Variants in ASTN2 observed in about 807,000 individuals in gnomAD.
The protein encoded by ASTN2 is astrotactin 2.
Under a neutral mutation model 139.8 loss-of-function variants are expected in ASTN2, and 54 were observed. The ratio of observed to expected loss-of-function variants is 0.39; its 90% CI spans 0.31 to 0.48. The LOEUF (loss-of-function observed/expected upper bound fraction) is 0.48, where lower values mean the gene tolerates loss of function less well. Among genes scored for constraint, ASTN2 ranks in the 20% least tolerant of loss-of-function variants. The pLI is 0.95. For synonymous variants in ASTN2, 756 were observed against 719.5 expected (o/e 1.05, Z -0.81); for missense variants, 1,565 against 1,725.1 (o/e 0.91, Z 1.64).
chr9:116,506,933 A>T (rs930899022), intron 19 of ASTN2, among the ~76,000 whole-genome samples: 3 of 152,026 alleles, frequency 2.0e-5, no homozygotes, highest in Non-Finnish European at 1.5e-5. Context: ...ACCTCAGTTC[A>T]CTCATCTATT....
At chr9:116,439,194 A>ATTTTTTTTTTTTTTTGTTTTTTTT (rs1847754345) in intron 22 of ASTN2, among the ~76,000 whole-genome samples, 1 of 56,690 alleles carries the variant, frequency 1.8e-5, no homozygotes, top group Non-Finnish European at 3.0e-5. Flanking sequence ...ATTCAAATAC[A>ATTTTTTTTTTTTTTTGTTTTTTTT]TTTTTTTTTT....
At chr9:116,449,589 C>T (rs1014597247) in intron 20 of ASTN2, among the ~76,000 whole-genome samples, 2 of 152,108 alleles carry the variant, frequency 1.3e-5, no homozygotes, top group South Asian at 4.1e-4. Context: ...TAAAACAAGA[C>T]CCCCGCCCCA....
chr9:116,518,213 A>G (rs1334551691), intron 19 of ASTN2, among the ~76,000 whole-genome samples: 1 of 152,200 alleles, frequency 6.6e-6, no homozygotes, highest in Non-Finnish European at 1.5e-5. Context: ...TCATCAGGTT[A>G]TCTAAAATCA....
At chr9:117,125,686 C>T (rs897869591) in intron 4 of ASTN2, among the ~76,000 whole-genome samples, 2 of 152,108 alleles carry the variant, frequency 1.3e-5, no homozygotes, top group African/African-American at 2.4e-5. Flanking sequence ...AATCTAACTG[C>T]GAGAGAATAA....
chr9:116,513,703 T>C (rs543757413), intron 19 of ASTN2, among the ~76,000 whole-genome samples: 37 of 152,342 alleles, frequency 2.4e-4, no homozygotes, highest in Admixed American at 5.9e-4. Flanking sequence ...TTGTTTCTTT[T>C]TATTCTTTTT....
At chr9:116,987,720 G>C (rs1246252154) in intron 7 of ASTN2, among the ~76,000 whole-genome samples, 2 of 152,048 alleles carry the variant, frequency 1.3e-5, no homozygotes, top group Non-Finnish European at 2.9e-5. Context: ...TTATAAATTA[G>C]GCACAGCAAG....
At chr9:116,830,074 G>A (rs74882508) in intron 11 of ASTN2, among the ~76,000 whole-genome samples, 2,251 of 152,240 alleles carry the variant, frequency 0.015, 60 homozygotes, top group African/African-American at 0.051. Context: ...AATATTCACA[G>A]ATTGTGCACT....
At chr9:116,909,600 G>A (rs10759873) in intron 10 of ASTN2, among the ~76,000 whole-genome samples, 125,771 of 152,164 alleles carry the variant, frequency 0.83, 52,824 homozygotes, top group Non-Finnish European at 0.88. Flanking sequence ...TTGGCATTTA[G>A]AACTTCAGCA....
intron 10 of ASTN2, among the ~76,000 whole-genome samples, chr9:116,949,507 C>G (rs1835497701): frequency 6.6e-6 from 1 of 152,110 alleles, no homozygotes; most frequent in Non-Finnish European, 1.5e-5. Context: ...GAGACTGTAT[C>G]AGAACTAGTG....
chr9:116,871,893 T>C (rs1833175715), intron 10 of ASTN2, among the ~76,000 whole-genome samples: 1 of 152,154 alleles, frequency 6.6e-6, no homozygotes, highest in African/African-American at 2.4e-5. Context: ...GAACAGTAGA[T>C]AAGAGGGCAA....
intron 1 of ASTN2, among the ~76,000 whole-genome samples, chr9:117,320,592 T>G (rs1202119247): frequency 6.6e-6 from 1 of 152,194 alleles, no homozygotes; most frequent in Non-Finnish European, 1.5e-5. Context: ...GGTCTAACTT[T>G]AAAGTCTGTA....
chr9:117,383,552 G>A (rs1054333197), intron 1 of ASTN2, among the ~76,000 whole-genome samples: 1 of 152,150 alleles, frequency 6.6e-6, no homozygotes, highest in Non-Finnish European at 1.5e-5. Flanking sequence ...TGGGGGTGGG[G>A]AGAATGGCTG....
At chr9:116,783,863 T>C (rs1428268936) in intron 13 of ASTN2, among the ~76,000 whole-genome samples, 2 of 152,090 alleles carry the variant, frequency 1.3e-5, no homozygotes, top group African/African-American at 4.8e-5. Context: ...ATAAGAAAAA[T>C]CCATCTCTAA....
chr9:116,571,760 G>A (rs1051149103), intron 19 of ASTN2, among the ~76,000 whole-genome samples: 3 of 152,126 alleles, frequency 2.0e-5, no homozygotes, highest in African/African-American at 4.8e-5. Context: ...TATCCCCATG[G>A]TGTGTAACTT....
At chr9:116,680,944 T>C (rs1018811325) in intron 16 of ASTN2, among the ~76,000 whole-genome samples, 5 of 152,186 alleles carry the variant, frequency 3.3e-5, no homozygotes, top group African/African-American at 1.2e-4. Flanking sequence ...ACTGGAAGCA[T>C]TCCCTTTGAA....
At chr9:117,225,535 G>GTATA (rs58184768) in intron 2 of ASTN2, among the ~76,000 whole-genome samples, 21 of 63,948 alleles carry the variant, frequency 3.3e-4, no homozygotes, top group African/African-American at 8.7e-4. Flanking sequence ...CAAGCTGTAT[G>GTATA]TATATATATA....
chr9:117,359,214 A>G (rs1224441139), intron 1 of ASTN2, among the ~76,000 whole-genome samples: 1 of 152,164 alleles, frequency 6.6e-6, no homozygotes, highest in East Asian at 1.9e-4. Context: ...TCAAACTGAG[A>G]ACCTCAGAGT....
chr9:116,504,911 A>AAAAC (rs980030233), intron 19 of ASTN2, among the ~76,000 whole-genome samples: 3 of 151,124 alleles, frequency 2.0e-5, no homozygotes, highest in African/African-American at 7.3e-5. Flanking sequence ...AAAAAAAAAA[A>AAAAC]AAACCCAAAA....
chr9:116,496,209 G>A (rs1187159794), intron 19 of ASTN2, among the ~76,000 whole-genome samples: 2 of 152,040 alleles, frequency 1.3e-5, no homozygotes, highest in Admixed American at 1.3e-4. Flanking sequence ...ATCCCCTGCT[G>A]TAAACCCTGT....
Sources: allele counts gnomAD v4.1 joint callset (sites outside exome capture counted in the v4.1 genomes callset), GRCh38; gene constraint gnomAD v4.1.1; transcripts MANE v1.5; gene names NCBI Gene and HGNC (gene_info 2026-07-23, HGNC 2026-07-21).